The following ABCA13 variants were observed in gnomAD, a reference collection of about 807,000 sequenced individuals.
ABCA13 encodes ATP binding cassette subfamily A member 13.
A neutral mutation model predicts 478.7 loss-of-function variants in ABCA13; 476 were observed. The ratio of observed to expected loss-of-function variants is 0.99; its 90% CI spans 0.92 to 1.07. The LOEUF is 1.07. Ranked by LOEUF, ABCA13 falls within the 50% of genes least tolerant of loss-of-function variation. ABCA13 has a pLI of 0.00. For synonymous variants in ABCA13, 2,252 were observed against 2,158.9 expected (o/e 1.04, Z -1.20); for missense variants, 6,060 against 5,910.6 (o/e 1.03, Z -0.83).
chr7:48,373,532 G>A (rs551639185), intron 33 of ABCA13, among the ~76,000 whole-genome samples: 1 of 152,124 alleles, frequency 6.6e-6, no homozygotes, highest in East Asian at 1.9e-4. Flanking sequence ...TTTATCTATT[G>A]GTATGTGTTC....
At position 48,467,043 on chromosome 7, in the gene ABCA13, C is replaced by A. The variant is rs766976940; in HGVS notation, c.12903C>A (p.Arg4301=). 1.8e-5 allele frequency: 29 copies of A among 1,613,738 alleles called. No individual in the cohort carries two copies. The South Asian group carries it at 2.7e-4, about 15-fold the overall frequency. The change falls in exon 44 of 62, where the codon CGC becomes CGA. Residue 4301 remains arginine, a splice_region_variant and synonymous_variant. Coordinates refer to ENST00000435803, the MANE Select transcript of ABCA13 (RefSeq NM_152701.5). ...QDLPCADLNP[R]QKNSSCWRTD... ...TGCCCTGTGCAGATTTAAACCCACG[C>A]CAGTAAGTGTCAGGTGCTCTCTGCA...
At chr7:48,366,867 A>G (rs1359331515) in intron 31 of ABCA13, among the ~76,000 whole-genome samples, 1 of 152,120 alleles carries the variant, frequency 6.6e-6, no homozygotes, top group African/African-American at 2.4e-5. Flanking sequence ...GAACATAGCA[A>G]TCTCTGTGTT....
At chr7:48,180,169 C>T (rs143088624) in intron 1 of ABCA13, among the ~76,000 whole-genome samples, 1 of 152,264 alleles carries the variant, frequency 6.6e-6, no homozygotes, top group East Asian at 1.9e-4. Flanking sequence ...AATTAGGAAA[C>T]ACTTTTGCAC....
chr7:48,205,319 AT>A (rs139073752), intron 3 of ABCA13, among the ~76,000 whole-genome samples: 30,727 of 151,850 alleles, frequency 0.2, 3,360 homozygotes, highest in Middle Eastern at 0.26. Context: ...ATTTAACTGC[AT>A]TTTTTTTCCA....
rs1179849752 is a variant in ABCA13 at position 48,496,068 on chromosome 7, T to G, written c.13291+6724T>G. 2.0e-5 allele frequency among the ~76,000 whole-genome samples: 3 copies of G among 152,294 alleles called. No homozygotes were observed. In the East Asian group the frequency reaches 5.8e-4, roughly 29 times the overall value. On this transcript the variant is annotated intron_variant, in intron 48 of 61. Coordinates refer to ENST00000435803, the MANE Select transcript of ABCA13 (RefSeq NM_152701.5). ...AAGCTGCACTGCCTATCTCTGCCTT[T>G]TAATTGGTGTTTGGGAACCATTGCA...
intron 3 of ABCA13, among the ~76,000 whole-genome samples, chr7:48,211,604 C>T (rs191045893): frequency 9.2e-5 from 14 of 152,114 alleles, no homozygotes; most frequent in Non-Finnish European, 1.3e-4. Flanking sequence ...TGGGGCTTAC[C>T]CAAGGCCCAT....
intron 34 of ABCA13, among the ~76,000 whole-genome samples, chr7:48,375,495 A>C (rs1244818195): frequency 6.6e-6 from 1 of 152,238 alleles, no homozygotes; most frequent in Admixed American, 6.5e-5. Context: ...ATACCAATGC[A>C]GGCTAAAATG....
chr7:48,275,242 T>G lies in ABCA13; in HGVS notation c.5576T>G (p.Leu1859Arg), dbSNP rs763606367. ...TTTTATGGCAAAGTGGCCAGTATAC[T>G]TGATCATTTCCACCTGTCTCCCCAA... ...SSFYGKVASILDHFHLSPQGE... is the reference protein window; with the variant it reads ...SSFYGKVASIRDHFHLSPQGE... Residue 1859 changes from leucine (L) to arginine (R), a missense_variant, in exon 17 of 62, where the codon CTT (leucine) becomes CGT (arginine). Coordinates refer to ENST00000435803, the MANE Select transcript of ABCA13 (RefSeq NM_152701.5). The G allele has an allele frequency of 6.2e-7, 1 of 1,613,942 alleles. No homozygotes were observed. The highest frequency in any genetic ancestry group is 8.5e-7 in the Non-Finnish European group (1 of 1,179,858).
At chr7:48,490,399 T>G (rs961227671) in intron 48 of ABCA13, among the ~76,000 whole-genome samples, 1 of 152,234 alleles carries the variant, frequency 6.6e-6, no homozygotes, top group African/African-American at 2.4e-5. Flanking sequence ...AAACTGATTT[T>G]CAGAAAACAT....
At chr7:48,396,115 C>T (rs1487654532) in intron 38 of ABCA13, among the ~76,000 whole-genome samples, 1 of 152,186 alleles carries the variant, frequency 6.6e-6, no homozygotes, top group Non-Finnish European at 1.5e-5. Context: ...GCTGGTTTTC[C>T]TTATTTATTA....
In ABCA13 at chr7:48,558,453, C is replaced by T. The variant is rs146808078; in HGVS notation, c.14355-21771C>T. Among the ~76,000 whole-genome samples, 28 of 151,752 alleles carry T rather than the reference C, an allele frequency of 1.8e-4. No homozygotes were observed. The East Asian group carries it at 3.5e-3, about 19-fold the overall frequency. ...CTGGGATTACAGGTGCACACCACCA[C>T]GCCTGGCTAATTTTTGTATTTTTTA... On this transcript the variant is annotated intron_variant, in intron 55 of 61. Coordinates refer to ENST00000435803, the MANE Select transcript of ABCA13 (RefSeq NM_152701.5).
intron 27 of ABCA13, 75 bp from the exon 28 acceptor site, chr7:48,335,347 A>G (rs1584902988): frequency 9.0e-6 from 10 of 1,113,926 alleles, no homozygotes; most frequent in Non-Finnish European, 1.3e-5. Flanking sequence ...CACATCATAT[A>G]CAGTCCTTGT....
intron 56 of ABCA13, 118 bp downstream of exon 56, chr7:48,580,492 A>C (rs1468740463): frequency 1.1e-6 from 1 of 889,230 alleles, no homozygotes; most frequent in Non-Finnish European, 1.7e-6. Flanking sequence ...GTATCAGATA[A>C]ACTTACCTGC....
intron 55 of ABCA13, among the ~76,000 whole-genome samples, chr7:48,564,965 A>G (rs1386213762): frequency 6.6e-6 from 1 of 152,128 alleles, no homozygotes; most frequent in Non-Finnish European, 1.5e-5. Flanking sequence ...AAGGAGTTCT[A>G]AGAAAACTGG....
chr7:48,470,602 A>G (rs1440925437), intron 44 of ABCA13, among the ~76,000 whole-genome samples: 1 of 152,172 alleles, frequency 6.6e-6, no homozygotes, highest in Non-Finnish European at 1.5e-5. Context: ...TCTTTACGTT[A>G]TTTTTGTTGT....
At chr7:48,484,374 T>C (rs924105255) in intron 47 of ABCA13, among the ~76,000 whole-genome samples, 2 of 152,240 alleles carry the variant, frequency 1.3e-5, no homozygotes, top group Non-Finnish European at 2.9e-5. Flanking sequence ...TAAAGCTTGA[T>C]ATGAAAATAT....
intron 38 of ABCA13, among the ~76,000 whole-genome samples, chr7:48,398,904 G>A (rs1332930272): frequency 1.3e-5 from 2 of 152,124 alleles, no homozygotes; most frequent in Non-Finnish European, 2.9e-5. Context: ...AGTAGCAAAG[G>A]TGGAAGACAA....
In ABCA13 at chr7:48,317,151, C is replaced by G; in HGVS notation, c.9860-6C>G. 1 of 1,608,016 alleles carries G rather than the reference C, an allele frequency of 6.2e-7. No individual in the cohort carries two copies. The highest frequency in any genetic ancestry group is 1.1e-5 in the South Asian group (1 of 89,218). On this transcript the variant is annotated splice_polypyrimidine_tract_variant and splice_region_variant and intron_variant, in intron 26 of 61. Transcript: ENST00000435803. ...GCAACTTTTTTTTTCTTTCTAATTG[C>G]AACAGCACCGTTTTGCTTGAAGCTT... is the stretch of plus-strand genomic sequence containing the variant.
intron 55 of ABCA13, among the ~76,000 whole-genome samples, chr7:48,579,385 G>A (rs1283948987): frequency 6.6e-6 from 1 of 152,178 alleles, no homozygotes; most frequent in Admixed American, 6.5e-5. Context: ...AACATCATAT[G>A]TCATTGGAAA....
Sources: gnomAD v4.1 joint callset for allele counts (sites outside exome capture counted in the v4.1 genomes callset) on GRCh38, gnomAD v4.1.1 for gene constraint, MANE v1.5 for transcripts, NCBI Gene and HGNC (gene_info 2026-07-23, HGNC 2026-07-21) for gene names.